THAP12: variants seen among roughly 807,000 people sequenced by gnomAD.
THAP12 encodes the protein THAP domain containing 12.
In THAP12, 20 loss-of-function variants were observed where a neutral mutation model predicts 63.0. That is an observed-to-expected ratio of 0.32 (90% CI 0.22 to 0.46). THAP12 has a LOEUF of 0.46. Among genes scored for constraint, THAP12 ranks in the 20% least tolerant of loss-of-function variants. The probability of loss-of-function intolerance (pLI) is 1.00; values close to 1 mark genes in which losing one functional copy is unlikely to be tolerated. For synonymous variants in THAP12, 264 were observed against 328.4 expected, an observed-to-expected ratio of 0.80 and a Z score of 2.12; for missense variants, 568 against 908.2, an observed-to-expected ratio of 0.63 and a Z score of 4.81.
chr11:76,373,188 A>G (rs985321437), intron 1 of THAP12, among the ~76,000 whole-genome samples: 4 of 151,402 alleles, frequency 2.6e-5, no homozygotes, highest in African/African-American at 9.7e-5. Flanking sequence ...TCTACAAAAA[A>G]TATAAAAATT....
intron 3 of THAP12, chr11:76,358,818 A>G (rs1946578615): frequency 6.6e-6 from 1 of 151,938 alleles, no homozygotes; most frequent in Non-Finnish European, 1.5e-5. Flanking sequence ...AAAAAAAAAC[A>G]ACAAAACTCT....
chr11:76,377,598 C>T (rs981108381), intron 1 of THAP12, among the ~76,000 whole-genome samples: 1 of 152,232 alleles, frequency 6.6e-6, no homozygotes, highest in Non-Finnish European at 1.5e-5. Context: ...CTTTTCATGG[C>T]TAATATTTCA....
intron 2 of THAP12, among the ~76,000 whole-genome samples, chr11:76,363,941 C>T (rs1341265374): frequency 1.3e-5 from 2 of 152,042 alleles, no homozygotes; most frequent in Non-Finnish European, 2.9e-5. Flanking sequence ...ATCTCCTAGA[C>T]GTATAGAAAG....
intron 1 of THAP12, among the ~76,000 whole-genome samples, chr11:76,367,652 A>G (rs1355550115): frequency 3.3e-5 from 5 of 151,324 alleles, no homozygotes; most frequent in Non-Finnish European, 5.9e-5. Context: ...CGAACTCCAG[A>G]TCGCAGGTGA....
chr11:76,356,256 C>CT (rs143160582), intron 3 of THAP12: 11,050 of 152,368 alleles, frequency 0.073, 638 homozygotes, highest in African/African-American at 0.15. Context: ...TCATGAGCCA[C>CT]CTGTTACTTT....
At chr11:76,368,259 G>C (rs1008421547) in intron 1 of THAP12, among the ~76,000 whole-genome samples, 2 of 152,162 alleles carry the variant, frequency 1.3e-5, no homozygotes, top group African/African-American at 4.8e-5. Flanking sequence ...AACTACTTAA[G>C]AATAAATCTA....
chr11:76,370,416 G>A (rs1163279442), intron 1 of THAP12, among the ~76,000 whole-genome samples: 2 of 151,928 alleles, frequency 1.3e-5, no homozygotes, highest in Admixed American at 6.6e-5. Context: ...AGGCTGGAGT[G>A]CAGTGGTGCA....
chr11:76,357,042 C>CA (rs775697652), intron 3 of THAP12: 3,021 of 102,726 alleles, frequency 0.029, 64 homozygotes, highest in African/African-American at 0.077. Flanking sequence ...GACTCTGTCT[C>CA]AAAAAAAAAA....
chr11:76,366,904 G>A (rs968501686), intron 1 of THAP12, among the ~76,000 whole-genome samples: 6 of 151,774 alleles, frequency 4.0e-5, no homozygotes, highest in Non-Finnish European at 8.8e-5. Flanking sequence ...ATGCCCTCTC[G>A]GTGCTTAAAT....
chr11:76,363,303 G>C (rs1452620474), intron 2 of THAP12, among the ~76,000 whole-genome samples: 3 of 152,110 alleles, frequency 2.0e-5, no homozygotes, highest in African/African-American at 7.2e-5. Flanking sequence ...TCTTACTCTA[G>C]CATCAAAATA....
chr11:76,369,330 A>G (rs1946654241), intron 1 of THAP12, among the ~76,000 whole-genome samples: 1 of 152,258 alleles, frequency 6.6e-6, no homozygotes, highest in African/African-American at 2.4e-5. Flanking sequence ...CTACTTGGCT[A>G]TGAAATGAAC....
chr11:76,379,767 T>C (rs1469347895), intron 1 of THAP12, among the ~76,000 whole-genome samples: 1 of 152,110 alleles, frequency 6.6e-6, no homozygotes, highest in Admixed American at 6.6e-5. Context: ...CCCCCCCCAT[T>C]AGAATGTAAT....
intron 3 of THAP12, 172 bp from the exon 4 acceptor site, chr11:76,355,826 A>T (rs1319376219): frequency 2.0e-6 from 1 of 496,434 alleles, no homozygotes; most frequent in East Asian, 3.2e-5. Flanking sequence ...CAATGAGAAA[A>T]CCAGAATAAG....
At chr11:76,378,327 T>C (rs1223637254) in intron 1 of THAP12, among the ~76,000 whole-genome samples, 1 of 151,978 alleles carries the variant, frequency 6.6e-6, no homozygotes, top group Non-Finnish European at 1.5e-5. Flanking sequence ...GGAGGCTGAG[T>C]GAGTAGAATA....
intron 2 of THAP12, among the ~76,000 whole-genome samples, chr11:76,362,496 G>A (rs1012899437): frequency 1.8e-4 from 27 of 152,196 alleles, no homozygotes; most frequent in Non-Finnish European, 3.8e-4. Context: ...ACACAAAGAT[G>A]ATTCTCTGAC....
At chr11:76,360,580 A>G (rs1307302440) in intron 3 of THAP12, among the ~76,000 whole-genome samples, 2 of 152,188 alleles carry the variant, frequency 1.3e-5, no homozygotes, top group Non-Finnish European at 2.9e-5. Context: ...CCATGTCTCC[A>G]CTTTTACACT....
chr11:76,372,432 C>T (rs565338682), intron 1 of THAP12, among the ~76,000 whole-genome samples: 1 of 150,260 alleles, frequency 6.7e-6, no homozygotes, highest in Non-Finnish European at 1.5e-5. Context: ...GAGAGAGAGA[C>T]AGGGCCTCAA....
intron 1 of THAP12, among the ~76,000 whole-genome samples, chr11:76,370,289 T>C (rs1946661728): frequency 1.3e-5 from 2 of 152,114 alleles, no homozygotes; most frequent in Admixed American, 1.3e-4. Context: ...CCCGGTGAAA[T>C]TTTCATGGAT....
intron 1 of THAP12, among the ~76,000 whole-genome samples, chr11:76,379,756 TC>T (rs774776151): frequency 9.9e-4 from 151 of 151,864 alleles, no homozygotes; most frequent in African/African-American, 2.8e-3. Context: ...ACTTGTTTAT[TC>T]CCCCCCCATT....
Sources: gnomAD v4.1 joint callset for allele counts (sites outside exome capture counted in the v4.1 genomes callset) on GRCh38, gnomAD v4.1.1 for gene constraint, MANE v1.5 for transcripts, NCBI Gene and HGNC (gene_info 2026-07-23, HGNC 2026-07-21) for gene names.